TSPEAR: variants seen among roughly 807,000 people sequenced by gnomAD.
TSPEAR encodes thrombospondin type laminin G domain and EAR repeats, also known as thrombospondin-type laminin G domain and EAR repeat-containing protein.
In TSPEAR, 69 loss-of-function variants were observed where a neutral mutation model predicts 71.6. That is an observed-to-expected ratio of 0.96 (90% CI 0.79 to 1.18). The LOEUF is 1.18. Ranked by LOEUF, TSPEAR falls within the 50% of genes most tolerant of loss-of-function variation. The pLI, the probability that TSPEAR is intolerant of heterozygous loss-of-function variation, is 0.00. For synonymous variants in TSPEAR, 402 were observed against 387.2 expected, an observed-to-expected ratio of 1.04 and a Z score of -0.45; for missense variants, 971 against 894.9, an observed-to-expected ratio of 1.09 and a Z score of -1.09.
rs1323530540 is a variant in TSPEAR at position 44,593,553 on chromosome 21, C to T, written c.83-25548G>A. On this transcript the variant is annotated intron_variant, in intron 1 of 11. Transcript: ENST00000323084. This position sits in a 1 kb window ranked among gnomAD's most constrained non-coding sequence, Gnocchi z 5.9. ...GCCCACGGGGACCCCCGAAAAACTG[C>T]GTTCCTGGCCATGACAGGAAGGGAG... Among the ~76,000 whole-genome samples the T allele has an allele frequency of 1.3e-5, 2 of 152,202 alleles. No homozygotes were observed. The highest frequency in any genetic ancestry group is 6.5e-5 in the Admixed American group (1 of 15,290).
chr21:44,524,115 T>A lies in TSPEAR; in HGVS notation c.1336+1538A>T, dbSNP rs587757177. Among the ~76,000 whole-genome samples the A allele has an allele frequency of 1.8e-3, 276 of 150,150 alleles. 1 individual carries two copies. Among genetic ancestry groups the A allele is most frequent in the African/African-American group, 6.6e-3 (266 of 40,124 alleles). Reference sequence around the variant, plus strand: ...ATAAGTGAGGTAGTCAGGTAGTCAGTCAGATAGTCAGTCAGTCAGTGAGGT... The same window carrying A: ...ATAAGTGAGGTAGTCAGGTAGTCAGACAGATAGTCAGTCAGTCAGTGAGGT... On this transcript the variant is annotated intron_variant, in intron 8 of 11. Transcript: ENST00000323084.
At chr21:44,645,653 G>C (rs1555939394) in intron 1 of TSPEAR, among the ~76,000 whole-genome samples, 13 of 152,022 alleles carry the variant, frequency 8.6e-5, no homozygotes. Flanking sequence ...CGCTCAGCCA[G>C]CTTCCTCTTA....
At chr21:44,576,538 A>T (rs1978466879) in intron 1 of TSPEAR, among the ~76,000 whole-genome samples, 1 of 150,436 alleles carries the variant, frequency 6.6e-6, no homozygotes, top group African/African-American at 2.4e-5. Flanking sequence ...ATGGGTGAAC[A>T]TGCCCATGGT....
rs374262694 is a variant in TSPEAR at position 44,697,549 on chromosome 21, G to C, written c.82+13884C>G. The C allele has an allele frequency of 1.1e-5, 17 of 1,613,454 alleles. No individual in the cohort carries two copies. Among genetic ancestry groups the C allele is most frequent in the Middle Eastern group, 1.6e-4 (1 of 6,082 alleles). On this transcript the variant is annotated intron_variant, in intron 1 of 11. Transcript: ENST00000323084. ...TCTGCTGCAAGACTGTCTGCTGCAA[G>C]CCTGTGTGCTGTATGCCCGTCTGCT...
intron 8 of TSPEAR, among the ~76,000 whole-genome samples, chr21:44,522,660 G>A (rs1349823432): frequency 3.3e-5 from 5 of 152,366 alleles, no homozygotes; most frequent in Middle Eastern, 3.4e-3. Flanking sequence ...ACTCATGGTG[G>A]CCGCTCAGGG....
chr21:44,636,085 C>T (rs73907092), intron 1 of TSPEAR, among the ~76,000 whole-genome samples: 5,103 of 152,218 alleles, frequency 0.034, 306 homozygotes, highest in African/African-American at 0.12. Flanking sequence ...TCACATTAAT[C>T]TTCCACCTGT....
In TSPEAR at chr21:44,623,240, A is replaced by G. The variant is rs1166468865; in HGVS notation, c.83-55235T>C. Among the ~76,000 whole-genome samples the G allele has an allele frequency of 6.6e-6, 1 of 152,168 alleles. No individual in the cohort carries two copies. Among genetic ancestry groups the G allele is most frequent in the African/African-American group, 2.4e-5 (1 of 41,426 alleles). ...CTTTTGGGGAGGCAAGATTCAACCC[A>G]CTACACTCATCTACTTCCTCCTGAG... On this transcript the variant is annotated intron_variant, in intron 1 of 11. Coordinates refer to ENST00000323084, the MANE Select transcript of TSPEAR (RefSeq NM_144991.3). This position sits in a 1 kb window ranked among gnomAD's most constrained non-coding sequence, Gnocchi z 4.5.
At chr21:44,601,216 G>A (rs1555928656) in intron 1 of TSPEAR, 1 of 1,605,430 alleles carries the variant, frequency 6.2e-7, no homozygotes, top group Non-Finnish European at 8.5e-7. Context: ...CTGCCAATCA[G>A]GCTGCATCAG....
At chr21:44,705,575 C>A (rs1309928522) in intron 1 of TSPEAR, among the ~76,000 whole-genome samples, 1 of 152,174 alleles carries the variant, frequency 6.6e-6, no homozygotes, top group East Asian at 1.9e-4. Flanking sequence ...ACTGGCCCCC[C>A]CGGGGCGTAC....
In TSPEAR at chr21:44,710,162, C is replaced by G. The variant is rs1988143667; in HGVS notation, c.82+1271G>C. ...GGGAGGGAGAAAGGCTGGCGCTGCG[C>G]CCTCCATCGCGTGAAGCCAGGGGAT... On this transcript the variant is annotated intron_variant, in intron 1 of 11. Coordinates refer to ENST00000323084, the MANE Select transcript of TSPEAR (RefSeq NM_144991.3). This position sits in a 1 kb window ranked among gnomAD's most constrained non-coding sequence, Gnocchi z 4.6. Among the ~76,000 whole-genome samples, 1 of 152,142 alleles carries G rather than the reference C, an allele frequency of 6.6e-6. No individual in the cohort carries two copies. The highest frequency in any genetic ancestry group is 1.5e-5 in the Non-Finnish European group (1 of 68,036).
rs201346007 is a variant in TSPEAR, at chr21:44,579,870, T to C, written c.83-11865A>G. ...GAGGCAGGGGCACAGCAGGAGGAGATGGGCAGGCAGCAGGCGGGCCTGCAT... is the reference window on the plus strand; with the variant it reads ...GAGGCAGGGGCACAGCAGGAGGAGACGGGCAGGCAGCAGGCGGGCCTGCAT... On this transcript the variant is annotated intron_variant, in intron 1 of 11. Transcript: ENST00000323084. The C allele has an allele frequency of 1.1e-4, 180 of 1,595,500 alleles. 1 individual carries two copies. The East Asian group carries it at 1.1e-3, about 10-fold the overall frequency.
At chr21:44,676,613 C>G (rs1986325326) in intron 1 of TSPEAR, 1 of 749,422 alleles carries the variant, frequency 1.3e-6, no homozygotes, top group East Asian at 2.5e-5. Context: ...AGGTTCTGCT[C>G]AAATTCATAC....
rs114357632 is a variant in TSPEAR at position 44,548,705 on chromosome 21, C to T, written c.304-14782G>A. ...TGGGTTTTGCCAGTTTCTGATGTTC[C>T]GTGGAGGGACAGGCCCTCACAGTTC... On this transcript the variant is annotated intron_variant, in intron 2 of 11. Coordinates refer to ENST00000323084, the MANE Select transcript of TSPEAR (RefSeq NM_144991.3). 8.3e-3 allele frequency among the ~76,000 whole-genome samples: 1,258 copies of T among 152,288 alleles called. 7 individuals carry two copies. The highest frequency in any genetic ancestry group is 0.028 in the African/African-American group (1,184 of 41,560).
chr21:44,521,077 CA>C (rs587655184), intron 9 of TSPEAR, among the ~76,000 whole-genome samples: 58 of 152,292 alleles, frequency 3.8e-4, no homozygotes, highest in South Asian at 3.7e-3. Flanking sequence ...GTCGCCAGGT[CA>C]GGGGGCACAG....
At chr21:44,679,245 CT>C (rs753801933) in intron 1 of TSPEAR, among the ~76,000 whole-genome samples, 13 of 152,122 alleles carry the variant, frequency 8.5e-5, no homozygotes, top group Non-Finnish European at 1.8e-4. Context: ...CTTCCTTGAA[CT>C]TTGGGGGTAG....
intron 1 of TSPEAR, among the ~76,000 whole-genome samples, chr21:44,610,857 C>A (rs1484848369): frequency 6.6e-6 from 1 of 152,206 alleles, no homozygotes; most frequent in African/African-American, 2.4e-5. Context: ...GGATGTGAGA[C>A]CTGGAGTCAA....
At chr21:44,627,590 G>GCTGTGTGCCCGTCTGCTGCAAAC (rs1982924601) in intron 1 of TSPEAR, 1 of 1,612,692 alleles carries the variant, frequency 6.2e-7, no homozygotes, top group Non-Finnish European at 8.5e-7. Context: ...CAGCCGGCCT[G>GCTGTGTGCCCGTCTGCTGCAAAC]CTGTGTGCCC....
At chr21:44,558,384 A>C (rs1178566252) in intron 2 of TSPEAR, 1 of 1,612,682 alleles carries the variant, frequency 6.2e-7, no homozygotes, top group Admixed American at 1.7e-5. Context: ...GCAGACGGGC[A>C]CACAGCAGAC....
intron 1 of TSPEAR, among the ~76,000 whole-genome samples, chr21:44,617,138 G>A (rs983843533): frequency 2.6e-5 from 4 of 152,118 alleles, no homozygotes; most frequent in African/African-American, 9.7e-5. Flanking sequence ...CCCCCAGCAT[G>A]GCCACGTCCA....
Sources: allele counts gnomAD v4.1 joint callset (sites outside exome capture counted in the v4.1 genomes callset), GRCh38; gene constraint gnomAD v4.1.1; non-coding constraint Gnocchi (gnomAD v3.1); transcripts MANE v1.5; gene names NCBI Gene and HGNC (gene_info 2026-07-23, HGNC 2026-07-21).